The following RABEPK variants were observed in gnomAD, a reference collection of about 807,000 sequenced individuals.
RABEPK encodes Rab9 effector protein with kelch motifs.
In RABEPK, 27 loss-of-function variants were observed where a neutral mutation model predicts 34.1. The ratio of observed to expected loss-of-function variants is 0.79; its 90% CI spans 0.58 to 1.09. The LOEUF is 1.09. Among genes scored for constraint, RABEPK ranks in the 50% least tolerant of loss-of-function variants. The probability of loss-of-function intolerance (pLI) is 0.00; values close to 1 mark genes in which losing one functional copy is unlikely to be tolerated. For synonymous variants in RABEPK, 172 were observed against 169.2 expected, an observed-to-expected ratio of 1.02 and a Z score of -0.13; for missense variants, 449 against 462.6, an observed-to-expected ratio of 0.97 and a Z score of 0.27.
chr9:125,231,208 C>T (rs540496123), intron 6 of RABEPK, among the ~76,000 whole-genome samples: 3 of 151,924 alleles, frequency 2.0e-5, no homozygotes, highest in South Asian at 2.1e-4. Context: ...GCAGGAGCAT[C>T]GCTTGAATCC....
intron 2 of RABEPK, among the ~76,000 whole-genome samples, chr9:125,207,315 G>T (rs1391968503): frequency 5.3e-5 from 8 of 152,120 alleles, no homozygotes; most frequent in African/African-American, 1.9e-4. Flanking sequence ...ACCAAATGGG[G>T]AAAAATAAGC....
At chr9:125,204,253 C>T (rs1015525873) in intron 2 of RABEPK, among the ~76,000 whole-genome samples, 3 of 151,374 alleles carry the variant, frequency 2.0e-5, no homozygotes, top group African/African-American at 7.3e-5. Flanking sequence ...CCAGCCTGGG[C>T]GACAGAGCGA....
intron 5 of RABEPK, among the ~76,000 whole-genome samples, chr9:125,223,019 C>T (rs1490151863): frequency 1.3e-5 from 2 of 152,104 alleles, no homozygotes; most frequent in Admixed American, 6.6e-5. Flanking sequence ...CGGTGGCTCA[C>T]GCCTGTAATC....
intron 2 of RABEPK, among the ~76,000 whole-genome samples, chr9:125,206,828 G>T (rs949239672): frequency 2.0e-5 from 3 of 152,128 alleles, no homozygotes; most frequent in Admixed American, 2.0e-4. Context: ...GGTGGCTCAC[G>T]CCTGTAATCC....
At chr9:125,227,461 G>A (rs1400562076) in intron 5 of RABEPK, among the ~76,000 whole-genome samples, 5 of 151,030 alleles carry the variant, frequency 3.3e-5, no homozygotes, top group African/African-American at 1.2e-4. Context: ...TTGCTCTGTC[G>A]CCCAGGCTGG....
chr9:125,220,309 C>G, intron 4 of RABEPK: 1 of 1,427,498 alleles, frequency 7.0e-7, no homozygotes, highest in Non-Finnish European at 9.2e-7. Context: ...CAGCCTGACT[C>G]CATTCTTGTG....
rs760580308 is a variant in RABEPK at position 125,201,599 on chromosome 9, G to A, written c.-7+693G>A. Reference sequence around the variant, plus strand: ...TCGAGACCAGCCTGGACAACAAAGCGAAACCTCCATTTCTATTTTTTTTTC... The same window carrying A: ...TCGAGACCAGCCTGGACAACAAAGCAAAACCTCCATTTCTATTTTTTTTTC... On this transcript the variant is annotated intron_variant, in intron 1 of 7. Transcript: ENST00000373538. Among the ~76,000 whole-genome samples the A allele has an allele frequency of 7.2e-5, 11 of 152,078 alleles. No individual in the cohort carries two copies. In the East Asian group the frequency reaches 7.7e-4, roughly 11 times the overall value.
At chr9:125,209,113 A>G (rs1671659477) in intron 3 of RABEPK, among the ~76,000 whole-genome samples, 2 of 139,002 alleles carry the variant, frequency 1.4e-5, no homozygotes, top group South Asian at 2.2e-4. Context: ...GCTGGAGTGC[A>G]GTGGTGCTGC....
intron 4 of RABEPK, among the ~76,000 whole-genome samples, chr9:125,218,605 G>T (rs1282268579): frequency 9.4e-6 from 1 of 105,828 alleles, no homozygotes; most frequent in Non-Finnish European, 2.1e-5. Context: ...ATCTATCTAG[G>T]TGGTGAAATT....
At chr9:125,206,508 AAGAG>A (rs925233437) in intron 2 of RABEPK, among the ~76,000 whole-genome samples, 12 of 151,936 alleles carry the variant, frequency 7.9e-5, no homozygotes, top group South Asian at 6.2e-4. Context: ...AAAAAAAAAA[AAGAG>A]AGAGAGAGAT....
At position 125,210,844 on chromosome 9, in the gene RABEPK, G is replaced by GT. The variant is rs1187970383; in HGVS notation, c.212-2515dup. ...CCCTATTGTTTTAATCTTAAGTTTT[G>GT]TTTTTTTTTTTGAAATGGAGTCTCA... On this transcript the variant is annotated intron_variant, in intron 3 of 7. Transcript: ENST00000373538. Among the ~76,000 whole-genome samples, 145 of 100,050 alleles carry GT rather than the reference G, an allele frequency of 1.4e-3. 1 individual carries two copies. The highest frequency in any genetic ancestry group is 8.6e-3 in the Middle Eastern group (2 of 232). The allele number at this position is 100,050 out of a possible 152,430, so 65.6% of individuals were successfully genotyped here.
chr9:125,218,313 C>A (rs1831083559), intron 4 of RABEPK, among the ~76,000 whole-genome samples: 2 of 119,206 alleles, frequency 1.7e-5, no homozygotes, highest in South Asian at 5.7e-4. Flanking sequence ...CACAGCGAGA[C>A]TCCGTCTCAA....
At chr9:125,220,752 A>AT in intron 5 of RABEPK, 52 bp downstream of exon 5, 1 of 1,544,346 alleles carries the variant, frequency 6.5e-7, no homozygotes, top group Non-Finnish European at 8.7e-7. Context: ...CAGTTTACAC[A>AT]TTACCTAATA....
rs1829854478 is a variant in RABEPK, at chr9:125,200,735, AC to A, written c.-176del. On this transcript the variant is annotated 5_prime_UTR_variant, in exon 1 of 8. Coordinates refer to ENST00000373538, the MANE Select transcript of RABEPK (RefSeq NM_005833.4). ...CCCTGGCTCCGTCCCGGCCACTTTGACCGAATCAGCCTGTTCTTTCCCGACC... is the reference window on the plus strand; with the variant it reads ...CCCTGGCTCCGTCCCGGCCACTTTGACGAATCAGCCTGTTCTTTCCCGACC... 2.1e-6 allele frequency: 1 copy of A among 471,010 alleles called. No individual in the cohort carries two copies. The highest frequency in any genetic ancestry group is 4.4e-6 in the Non-Finnish European group (1 of 227,058). The allele number at this position is 471,010 out of a possible 1,614,324, so 29.2% of individuals were successfully genotyped here.
intron 4 of RABEPK, among the ~76,000 whole-genome samples, chr9:125,218,235 G>A (rs1042041708): frequency 3.4e-5 from 5 of 147,292 alleles, no homozygotes; most frequent in Admixed American, 2.1e-4. Flanking sequence ...CAGGAGAATG[G>A]CGTGAACCCG....
At chr9:125,212,281 G>T (rs184523269) in intron 3 of RABEPK, among the ~76,000 whole-genome samples, 6 of 152,246 alleles carry the variant, frequency 3.9e-5, no homozygotes, top group African/African-American at 1.2e-4. Flanking sequence ...AGGCTGGAGC[G>T]CAATCTCAGC....
Position 125,232,689 on chromosome 9 carries a change from T to C in RABEPK, c.770T>C (p.Ile257Thr). The C allele has an allele frequency of 6.2e-7, 1 of 1,614,108 alleles. No homozygotes were observed. The highest frequency in any genetic ancestry group is 8.5e-7 in the Non-Finnish European group (1 of 1,179,988). Residue 257 changes from isoleucine to threonine, a missense_variant, in exon 7 of 8, where the codon ATC becomes ACC. Ile to Thr is a moderately conservative substitution (Grantham distance 89). Coordinates refer to ENST00000373538, the MANE Select transcript of RABEPK (RefSeq NM_005833.4). Reference protein sequence around the residue: ...SAVAMGKHVYIFGGMTPAGAL... With the variant: ...SAVAMGKHVYTFGGMTPAGAL... ...GTGGCCATGGGAAAACATGTGTACA[T>C]CTTTGGTGGAATGACTCCTGCAGGA...
intron 5 of RABEPK, among the ~76,000 whole-genome samples, chr9:125,226,929 G>T (rs1431680104): frequency 1.3e-5 from 2 of 151,580 alleles, no homozygotes. Context: ...CAGCACTTTG[G>T]GAGGCCAAGG....
At chr9:125,202,959 A>C (rs1277747936) in intron 1 of RABEPK, 49 bp from the exon 2 acceptor site, 5 of 1,466,394 alleles carry the variant, frequency 3.4e-6, no homozygotes, top group Non-Finnish European at 4.8e-6. Flanking sequence ...GAATTGATTA[A>C]GATGATAATC....
Sources: allele counts gnomAD v4.1 joint callset (sites outside exome capture counted in the v4.1 genomes callset), GRCh38; gene constraint gnomAD v4.1.1; transcripts MANE v1.5; gene names NCBI Gene and HGNC (gene_info 2026-07-23, HGNC 2026-07-21).